Variants in EML6 observed in about 807,000 individuals in gnomAD.
The protein encoded by EML6 is EMAP like 6.
A neutral mutation model predicts 240.1 loss-of-function variants in EML6; 154 were observed. The ratio of observed to expected loss-of-function variants is 0.64; its 90% CI spans 0.56 to 0.73. The LOEUF (loss-of-function observed/expected upper bound fraction) is 0.73, where lower values mean the gene tolerates loss of function less well. EML6 is among the 30% of genes least tolerant of loss of function. The probability of loss-of-function intolerance (pLI) is 0.00; values close to 1 mark genes in which losing one functional copy is unlikely to be tolerated. For synonymous variants in EML6, 1,148 were observed against 899.0 expected (o/e 1.28, Z -4.95); for missense variants, 2,964 against 2,474.6 (o/e 1.20, Z -4.20).
At position 54,968,115 on chromosome 2, in the gene EML6, T is replaced by C. The variant is rs949708448; in HGVS notation, c.5598-13T>C. ...ACTTCCTTCTATCCTAACCCCTCTT[T>C]CTGTTGGAACAGCGTCCTGGGAGAT... is the stretch of plus-strand genomic sequence containing the variant. On this transcript the variant is annotated splice_polypyrimidine_tract_variant and intron_variant, in intron 39 of 41. Transcript: ENST00000356458. The C allele has an allele frequency of 4.5e-6, 7 of 1,550,382 alleles. No homozygotes were observed. The Admixed American group carries it at 9.8e-5, about 22-fold the overall frequency.
intron 24 of EML6, among the ~76,000 whole-genome samples, chr2:54,907,941 T>TA (rs1222825442): frequency 0.052 from 1,291 of 25,052 alleles, 8 homozygotes; most frequent in East Asian, 0.1. Flanking sequence ...GATAGATAGA[T>TA]AGATAAGATA....
At chr2:54,955,490 CCTT>C (rs1676189787) in intron 32 of EML6, among the ~76,000 whole-genome samples, 1 of 152,162 alleles carries the variant, frequency 6.6e-6, no homozygotes, top group South Asian at 2.1e-4. Flanking sequence ...GCGTAAAGCC[CCTT>C]CTTATGTGGG....
intron 2 of EML6, among the ~76,000 whole-genome samples, chr2:54,757,553 G>A (rs889634331): frequency 4.3e-4 from 66 of 152,258 alleles, no homozygotes; most frequent in African/African-American, 1.4e-3. Context: ...TCACAAGGCC[G>A]CCGACTCACT....
At chr2:54,837,420 C>T (rs1045902461) in intron 7 of EML6, among the ~76,000 whole-genome samples, 1 of 152,152 alleles carries the variant, frequency 6.6e-6, no homozygotes, top group Admixed American at 6.5e-5. Context: ...TGGCGCTGTC[C>T]ATGGGGTTAA....
At chr2:54,918,275 A>T (rs574411207) in intron 26 of EML6, among the ~76,000 whole-genome samples, 16 of 152,272 alleles carry the variant, frequency 1.1e-4, no homozygotes, top group Non-Finnish European at 2.2e-4. Flanking sequence ...AAAAAGACAG[A>T]CTGGAACAAT....
At chr2:54,841,184 C>T (rs1169222954) in intron 7 of EML6, among the ~76,000 whole-genome samples, 8 of 152,272 alleles carry the variant, frequency 5.3e-5, no homozygotes, top group Admixed American at 5.2e-4. Context: ...CTTGCAATGA[C>T]ATCCTGACTG....
intron 28 of EML6, among the ~76,000 whole-genome samples, chr2:54,931,453 A>G (rs1281531039): frequency 6.6e-6 from 1 of 152,124 alleles, no homozygotes; most frequent in Non-Finnish European, 1.5e-5. Context: ...AGGGACAGAG[A>G]AGGAAAAATG....
chr2:54,926,817 A>G (rs1674572679), intron 26 of EML6, among the ~76,000 whole-genome samples: 1 of 151,998 alleles, frequency 6.6e-6, no homozygotes, highest in Non-Finnish European at 1.5e-5. Context: ...CCCCTCTGCA[A>G]CCTGAATCTC....
chr2:54,889,173 A>C (rs1273384387), intron 17 of EML6, among the ~76,000 whole-genome samples: 1 of 152,298 alleles, frequency 6.6e-6, no homozygotes, highest in South Asian at 2.1e-4. Context: ...ATACACAGGT[A>C]CTATACTGTT....
Position 54,944,195 on chromosome 2 carries a change from G to C in EML6, c.4005-4687G>C, listed in dbSNP as rs1316409491. Among the ~76,000 whole-genome samples, 4 of 152,088 alleles carry C rather than the reference G, an allele frequency of 2.6e-5. No individual in the cohort carries two copies. The East Asian group carries it at 7.7e-4, about 29-fold the overall frequency. On this transcript the variant is annotated intron_variant, in intron 28 of 41. Transcript: ENST00000356458. ...TCATGTCACTGACTCCCATCTCTCA[G>C]TGGAACTTCCAACTAACAAAGCTAT... is the stretch of plus-strand genomic sequence containing the variant.
At chr2:54,825,903 C>G (rs1047234802) in intron 5 of EML6, among the ~76,000 whole-genome samples, 13 of 152,162 alleles carry the variant, frequency 8.5e-5, no homozygotes, top group African/African-American at 3.1e-4. Flanking sequence ...CTCCCACATG[C>G]CTGCCATGTG....
At chr2:54,784,557 G>A (rs979337958) in intron 2 of EML6, among the ~76,000 whole-genome samples, 6 of 152,050 alleles carry the variant, frequency 3.9e-5, no homozygotes, top group Admixed American at 6.6e-5. Flanking sequence ...ACCCCCTTGC[G>A]GTGAAAATCC....
chr2:54,820,345 C>G, intron 4 of EML6, 49 bp from the exon 5 acceptor site: 2 of 1,337,326 alleles, frequency 1.5e-6, no homozygotes, highest in Non-Finnish European at 2.1e-6. Context: ...TGGGAAAAGG[C>G]AAAAATATAC....
At chr2:54,953,506 C>T (rs1676083547) in intron 31 of EML6, among the ~76,000 whole-genome samples, 1 of 152,132 alleles carries the variant, frequency 6.6e-6, no homozygotes, top group Non-Finnish European at 1.5e-5. Flanking sequence ...CCTTTAAAAG[C>T]AAATTTCCTC....
chr2:54,928,414 C>T lies in EML6; in HGVS notation c.3777C>T (p.Ala1259=), dbSNP rs733916. The T allele has an allele frequency of 0.077, 118,776 of 1,547,076 alleles. 6,760 individuals are homozygous for T. The highest frequency in any genetic ancestry group is 0.22 in the Admixed American group (10,932 of 50,642). The change falls in exon 27 of 42, where the codon GCC becomes GCT. Residue 1259 remains alanine, a synonymous_variant. Coordinates refer to ENST00000356458, the MANE Select transcript of EML6 (RefSeq NM_001039753.4). ...CTGTGCTGCTCACGGTGGGCGGCGC[C>T]GACACAGCCCTGATGATCTGGACCA... The part of the protein sequence containing the change: ...NDSVLLTVGG[A]DTALMIWTRE...
chr2:54,850,726 A>G (rs1169215768), intron 10 of EML6, among the ~76,000 whole-genome samples: 2 of 152,238 alleles, frequency 1.3e-5, no homozygotes, highest in Non-Finnish European at 2.9e-5. Context: ...GGAAATGGAA[A>G]CCACATATAC....
In EML6 at chr2:54,947,409, C is replaced by T. The variant is rs76057460; in HGVS notation, c.4005-1473C>T. 4.6e-3 allele frequency among the ~76,000 whole-genome samples: 702 copies of T among 152,108 alleles called. 34 individuals carry two copies. The East Asian group carries it at 0.13, about 27-fold the overall frequency. ...CATTCTTCAGTGGTGATTATAATAC[C>T]GTTTGGTCCAATTATCACTTATGAT... On this transcript the variant is annotated intron_variant, in intron 28 of 41. Transcript: ENST00000356458.
chr2:54,808,230 T>C (rs935841054), intron 2 of EML6, among the ~76,000 whole-genome samples: 3 of 152,216 alleles, frequency 2.0e-5, no homozygotes, highest in Non-Finnish European at 4.4e-5. Context: ...TAAGCGCATC[T>C]CTTGGGACCA....
rs181667397 is a variant in EML6, at chr2:54,773,804, G to A, written c.198-39428G>A. Reference sequence around the variant, plus strand: ...TGTGCTCAGGAATTATGAAATTAGCGCTTCTCCTAAGGAAAAGTATCACAG... The same window carrying A: ...TGTGCTCAGGAATTATGAAATTAGCACTTCTCCTAAGGAAAAGTATCACAG... On this transcript the variant is annotated intron_variant, in intron 2 of 41. Coordinates refer to ENST00000356458, the MANE Select transcript of EML6 (RefSeq NM_001039753.4). Among the ~76,000 whole-genome samples the A allele has an allele frequency of 5.3e-5, 8 of 152,270 alleles. No homozygotes were observed. In the East Asian group the frequency reaches 1.2e-3, roughly 22 times the overall value.
Sources: allele counts gnomAD v4.1 joint callset (sites outside exome capture counted in the v4.1 genomes callset), GRCh38; gene constraint gnomAD v4.1.1; transcripts MANE v1.5; gene names NCBI Gene and HGNC (gene_info 2026-07-23, HGNC 2026-07-21).